Variants in DIRAS1 observed in about 807,000 individuals in gnomAD.
DIRAS1 encodes the protein GTP-binding protein Di-Ras1.
Under a neutral mutation model 11.5 loss-of-function variants are expected in DIRAS1, and 3 were observed. That is an observed-to-expected ratio of 0.26 (90% CI 0.12 to 0.67). DIRAS1 has a LOEUF of 0.67. Among genes scored for constraint, DIRAS1 ranks in the 30% least tolerant of loss-of-function variants. DIRAS1 has a pLI of 0.80. For synonymous variants in DIRAS1, 128 were observed against 125.8 expected (o/e 1.02, Z -0.12); for missense variants, 212 against 285.3 (o/e 0.74, Z 1.85).
At position 2,718,878 on chromosome 19, in the gene DIRAS1, T is replaced by C. The variant is rs552730450; in HGVS notation, c.-69-1003A>G. 1.1e-3 allele frequency among the ~76,000 whole-genome samples: 160 copies of C among 151,910 alleles called. 1 individual carries two copies. Among genetic ancestry groups the C allele is most frequent in the African/African-American group, 3.6e-3 (149 of 41,392 alleles). ...CTCTGTTGCCCAGGTTGGAGTTCAG[T>C]GGTGCAATCTCGGCTCACTGCAACC... On this transcript the variant is annotated intron_variant, in intron 1 of 1. Coordinates refer to ENST00000323469, the MANE Select transcript of DIRAS1 (RefSeq NM_145173.4). This position sits in a 1 kb window ranked among gnomAD's most constrained non-coding sequence, Gnocchi z 4.2.
chr19:2,717,190 G>C lies in DIRAS1; in HGVS notation c.*20C>G. 6.4e-7 allele frequency: 1 copy of C among 1,552,376 alleles called. No individual in the cohort carries two copies. The highest frequency in any genetic ancestry group is 1.2e-5 in the South Asian group (1 of 84,122). On this transcript the variant is annotated 3_prime_UTR_variant, in exon 2 of 2. Coordinates refer to ENST00000323469, the MANE Select transcript of DIRAS1 (RefSeq NM_145173.4). ...CGGGGGTCAGTGGGGGTGGGCGGCG[G>C]GCAGGCGGGCGTTCCGGGCTCACAT...
chr19:2,719,354 C>T (rs1913900552), intron 1 of DIRAS1, among the ~76,000 whole-genome samples: 1 of 152,178 alleles, frequency 6.6e-6, no homozygotes, highest in Non-Finnish European at 1.5e-5. Flanking sequence ...CCTAGCCCCT[C>T]CCGTTCAGGT....
At position 2,717,102 on chromosome 19, in the gene DIRAS1, T is replaced by C. The variant is rs570435785; in HGVS notation, c.*108A>G. On this transcript the variant is annotated 3_prime_UTR_variant, in exon 2 of 2. Transcript: ENST00000323469. ...GTGGCCTCGGTTTCCCCAGCCGAGGTGTCGGAGGAAGGATGAGAGAAGAGG... is the reference window on the plus strand; with the variant it reads ...GTGGCCTCGGTTTCCCCAGCCGAGGCGTCGGAGGAAGGATGAGAGAAGAGG... 2.5e-5 allele frequency: 29 copies of C among 1,155,020 alleles called. No homozygotes were observed. Among genetic ancestry groups the C allele is most frequent in the Non-Finnish European group, 3.3e-5 (28 of 845,236 alleles). 71.5% of individuals were successfully genotyped at this position (1,155,020 alleles called of 1,614,324 possible). A position where few individuals can be genotyped will look rare whatever the true frequency, so the allele number is the denominator to read the frequency against.
chr19:2,716,253 G>A lies in DIRAS1; in HGVS notation c.*957C>T, dbSNP rs1332922008. 2.6e-5 allele frequency: 4 copies of A among 152,358 alleles called. No homozygotes were observed. Among genetic ancestry groups the A allele is most frequent in the Non-Finnish European group, 5.9e-5 (4 of 68,134 alleles). 9.4% of individuals were successfully genotyped at this position (152,358 alleles called of 1,614,324 possible). A position where few individuals can be genotyped will look rare whatever the true frequency, so the allele number is the denominator to read the frequency against. On this transcript the variant is annotated 3_prime_UTR_variant, in exon 2 of 2. Transcript: ENST00000323469. ...CCCTGCTCTCTGGGGCACAGGTGGT[G>A]GGGAGGAAGTGGGTGGGGCAGACCT...
chr19:2,717,362 T>A lies in DIRAS1; in HGVS notation c.445A>T (p.Thr149Ser). Residue 149 changes from threonine (T) to serine (S), a missense_variant, in exon 2 of 2, where the codon ACC (threonine) becomes TCC (serine). Transcript: ENST00000323469. Reference protein sequence around the residue: ...AQEWKCAFMETSAKMNYNVKE... With the variant: ...AQEWKCAFMESSAKMNYNVKE... ...ACGTTGTAGTTCATCTTGGCCGAGGTCTCCATGAAAGCGCACTTCCACTCC... is the reference window on the plus strand; with the variant it reads ...ACGTTGTAGTTCATCTTGGCCGAGGACTCCATGAAAGCGCACTTCCACTCC... 1.2e-6 allele frequency: 2 copies of A among 1,609,806 alleles called. No homozygotes were observed. The highest frequency in any genetic ancestry group is 1.7e-6 in the Non-Finnish European group (2 of 1,179,950).
rs1913822998 is a variant in DIRAS1, at chr19:2,717,044, TCGGGG to T, written c.*161_*165del. 1.5e-6 allele frequency: 1 copy of T among 669,528 alleles called. No homozygotes were observed. The highest frequency in any genetic ancestry group is 3.1e-5 in the Admixed American group (1 of 32,712). 41.5% of individuals were successfully genotyped at this position (669,528 alleles called of 1,614,324 possible). A position where few individuals can be genotyped will look rare whatever the true frequency, so the allele number is the denominator to read the frequency against. On this transcript the variant is annotated 3_prime_UTR_variant, in exon 2 of 2. Coordinates refer to ENST00000323469, the MANE Select transcript of DIRAS1 (RefSeq NM_145173.4). ...GAGGAAGAAAAGCCCCAGCCCTGCC[TCGGGG>T]TGGGCAGGGGCAGCGGAGGGGGGGG...
rs779605120 is a variant in DIRAS1, at chr19:2,717,789, G to A, written c.18C>T (p.Asn6=). The part of the protein sequence containing the change: MPEQS[N]DYRVVVFGAG... ...CCCCGAACACCACCACGCGGTAATC[G>A]TTACTCTGTTCCGGCATCTTCCCCG... The change falls in exon 2 of 2, where the codon AAC becomes AAT. Residue 6 remains asparagine (N), a synonymous_variant. Transcript: ENST00000323469. The A allele has an allele frequency of 2.5e-6, 4 of 1,599,306 alleles. No homozygotes were observed. Among genetic ancestry groups the A allele is most frequent in the Middle Eastern group, 1.7e-4 (1 of 6,054 alleles).
rs1245746601 is a variant in DIRAS1 at position 2,718,618 on chromosome 19, C to T, written c.-69-743G>A. On this transcript the variant is annotated intron_variant, in intron 1 of 1. Transcript: ENST00000323469. This position sits in a 1 kb window ranked among gnomAD's most constrained non-coding sequence, Gnocchi z 4.2. ...TTGGCTCGCCGCAACCTCCACCTCCCGGGTTCAAGCTATTCTCTTGCCTCA... is the reference window on the plus strand; with the variant it reads ...TTGGCTCGCCGCAACCTCCACCTCCTGGGTTCAAGCTATTCTCTTGCCTCA... Among the ~76,000 whole-genome samples, 3 of 152,296 alleles carry T rather than the reference C, an allele frequency of 2.0e-5. No homozygotes were observed. Among genetic ancestry groups the T allele is most frequent in the South Asian group, 4.1e-4 (2 of 4,826 alleles).
rs1197819591 is a variant in DIRAS1 at position 2,716,590 on chromosome 19, G to T, written c.*620C>A. 6.5e-6 allele frequency: 1 copy of T among 152,764 alleles called. No individual in the cohort carries two copies. Among genetic ancestry groups the T allele is most frequent in the Non-Finnish European group, 1.5e-5 (1 of 68,438 alleles). The allele number at this position is 152,764 out of a possible 1,614,324, so 9.5% of individuals were successfully genotyped here. ...GCTGCAGGCCCTGTGGTTATTGCCT[G>T]GTGGCCTGAGGCCCATCCCACGGGC... On this transcript the variant is annotated 3_prime_UTR_variant, in exon 2 of 2. Transcript: ENST00000323469.
At chr19:2,720,432 T>G (rs912080681) in intron 1 of DIRAS1, among the ~76,000 whole-genome samples, 1 of 151,294 alleles carries the variant, frequency 6.6e-6, no homozygotes, top group South Asian at 2.1e-4. Flanking sequence ...GGGGTGCGGG[T>G]GGAGGGAGGG....
chr19:2,719,517 G>A (rs1035739373), intron 1 of DIRAS1, among the ~76,000 whole-genome samples: 1 of 149,474 alleles, frequency 6.7e-6, no homozygotes, highest in Non-Finnish European at 1.5e-5. Flanking sequence ...TGGGGGGAGG[G>A]CGGGTGGCTT....
chr19:2,717,174 G>A lies in DIRAS1; in HGVS notation c.*36C>T. ...GTGTTGGGGGAGGCAGCGGGGGTCA[G>A]TGGGGGTGGGCGGCGGGCAGGCGGG... On this transcript the variant is annotated 3_prime_UTR_variant, in exon 2 of 2. Coordinates refer to ENST00000323469, the MANE Select transcript of DIRAS1 (RefSeq NM_145173.4). 1 of 1,541,226 alleles carries A rather than the reference G, an allele frequency of 6.5e-7. No homozygotes were observed. The highest frequency in any genetic ancestry group is 1.2e-5 in the South Asian group (1 of 82,104).
chr19:2,717,117 GAGAGA>G lies in DIRAS1; in HGVS notation c.*88_*92del. ...CCAGCCGAGGTGTCGGAGGAAGGAT[GAGAGA>G]AGAGGAGGAGGCCGAGGAGGGTGTC... is the stretch of plus-strand genomic sequence containing the variant. On this transcript the variant is annotated 3_prime_UTR_variant, in exon 2 of 2. Coordinates refer to ENST00000323469, the MANE Select transcript of DIRAS1 (RefSeq NM_145173.4). 2 of 1,330,364 alleles carry G rather than the reference GAGAGA, an allele frequency of 1.5e-6. No individual in the cohort carries two copies. Among genetic ancestry groups the G allele is most frequent in the African/African-American group, 3.0e-5 (2 of 66,434 alleles). 82.4% of individuals were successfully genotyped at this position (1,330,364 alleles called of 1,614,324 possible).
rs796897715 is a variant in DIRAS1 at position 2,717,066 on chromosome 19, A to AGGC, written c.*143_*144insGCC. ...GCCTCGGGGTGGGCAGGGGCAGCGG[A>AGGC]GGGGGGGGCGGTGGCCTCGGTTTCC... is the stretch of plus-strand genomic sequence containing the variant. On this transcript the variant is annotated 3_prime_UTR_variant, in exon 2 of 2. Transcript: ENST00000323469. 2.7e-3 allele frequency: 2,071 copies of AGGC among 753,622 alleles called. 2 individuals are homozygous for AGGC. Among genetic ancestry groups the AGGC allele is most frequent in the Non-Finnish European group, 3.1e-3 (1,566 of 511,148 alleles). The allele number at this position is 753,622 out of a possible 1,614,324, so 46.7% of individuals were successfully genotyped here. A position where few individuals can be genotyped will look rare whatever the true frequency, so the allele number is the denominator to read the frequency against.
Position 2,717,714 on chromosome 19 carries a change from C to A in DIRAS1, c.93G>T (p.Thr31=). The A allele has an allele frequency of 6.2e-7, 1 of 1,609,334 alleles. No individual in the cohort carries two copies. Among genetic ancestry groups the A allele is most frequent in the African/African-American group, 1.3e-5 (1 of 75,070 alleles). The part of the protein sequence containing the change: ...SSLVLRFVKG[T]FRDTYIPTIE... The stretch of plus-strand genomic sequence containing the variant: ...TGGTGGGGATGTAGGTGTCGCGGAA[C>A]GTGCCCTTCACGAAGCGCAGCACCA... Residue 31 remains threonine, a synonymous_variant, in exon 2 of 2, where the codon ACG becomes ACT. Coordinates refer to ENST00000323469, the MANE Select transcript of DIRAS1 (RefSeq NM_145173.4).
Position 2,717,267 on chromosome 19 carries a change from C to A in DIRAS1, c.540G>T (p.Lys180Asn). The change falls in exon 2 of 2, where the codon AAG becomes AAT. Residue 180 changes from lysine to asparagine, a missense_variant. Physicochemically the swap from Lys to Asn is moderately conservative, Grantham distance 94 (BLOSUM62 0). Coordinates refer to ENST00000323469, the MANE Select transcript of DIRAS1 (RefSeq NM_145173.4). ...CTGTCCTCTTCTGCTTCCCGGAGCGCTTGCCGTCGATGTTGAGGCTCATGT... is the reference window on the plus strand; with the variant it reads ...CTGTCCTCTTCTGCTTCCCGGAGCGATTGCCGTCGATGTTGAGGCTCATGT... ...RRNMSLNIDG[K>N]RSGKQKRTDR... 3.1e-6 allele frequency: 5 copies of A among 1,611,044 alleles called. No individual in the cohort carries two copies. The highest frequency in any genetic ancestry group is 4.2e-6 in the Non-Finnish European group (5 of 1,178,918).
rs1913879502 is a variant in DIRAS1 at position 2,718,476 on chromosome 19, G to C, written c.-69-601C>G. Among the ~76,000 whole-genome samples, 1 of 152,214 alleles carries C rather than the reference G, an allele frequency of 6.6e-6. No individual in the cohort carries two copies. On this transcript the variant is annotated intron_variant, in intron 1 of 1. Coordinates refer to ENST00000323469, the MANE Select transcript of DIRAS1 (RefSeq NM_145173.4). This position sits in a 1 kb window ranked among gnomAD's most constrained non-coding sequence, Gnocchi z 4.2. Reference sequence around the variant, plus strand: ...CCGCAGCCCTAGGTGTGATGAATCGGTCGGCCAGGGCAACGGCCCTGGGAA... The same window carrying C: ...CCGCAGCCCTAGGTGTGATGAATCGCTCGGCCAGGGCAACGGCCCTGGGAA...
chr19:2,717,631 A>G lies in DIRAS1; in HGVS notation c.176T>C (p.Ile59Thr). ...SCDKSVCTLQITDTTGSHQFP... is the reference protein window; with the variant it reads ...SCDKSVCTLQTTDTTGSHQFP... ...CTGGTGGCTGCCGGTGGTGTCTGTG[A>G]TCTGCAGCGTGCACACGCTCTTGTC... The change falls in exon 2 of 2, where the codon ATC becomes ACC. Residue 59 changes from isoleucine (I) to threonine (T), a missense_variant. Transcript: ENST00000323469. 1 of 1,613,184 alleles carries G rather than the reference A, an allele frequency of 6.2e-7. No individual in the cohort carries two copies.
Position 2,717,373 on chromosome 19 carries a change from G to T in DIRAS1, c.434C>A (p.Ala145Asp). The T allele has an allele frequency of 6.2e-7, 1 of 1,609,122 alleles. No individual in the cohort carries two copies. Residue 145 changes from alanine (A) to aspartate (D), a missense_variant, in exon 2 of 2, where the codon GCT becomes GAT. By Grantham distance (126) the Ala-to-Asp change is moderately radical. Around this residue, in one of 2 missense-constraint regions of DIRAS1, gnomAD observed 84 missense variants for 79.9 expected, o/e 1.05. Transcript: ENST00000323469. ...AQAVAQEWKC[A>D]FMETSAKMNY... The stretch of plus-strand genomic sequence containing the variant: ...CATCTTGGCCGAGGTCTCCATGAAA[G>T]CGCACTTCCACTCCTGGGCCACCGC...
Sources: allele counts gnomAD v4.1 joint callset (sites outside exome capture counted in the v4.1 genomes callset), GRCh38; gene constraint gnomAD v4.1.1; regional missense constraint gnomAD v4.1.1; non-coding constraint Gnocchi (gnomAD v3.1); transcripts MANE v1.5; gene names NCBI Gene and HGNC (gene_info 2026-07-23, HGNC 2026-07-21).